Variants in ASCC1 observed in about 807,000 individuals in gnomAD.
ASCC1 encodes ASC-1 complex subunit P50.
Under a neutral mutation model 46.6 loss-of-function variants are expected in ASCC1, and 35 were observed. The ratio of observed to expected loss-of-function variants is 0.75; its 90% CI spans 0.57 to 0.99. The LOEUF (loss-of-function observed/expected upper bound fraction) is 0.99, where lower values mean the gene tolerates loss of function less well. Among genes scored for constraint, ASCC1 ranks in the 50% least tolerant of loss-of-function variants. ASCC1 has a pLI of 0.00. For synonymous variants in ASCC1, 143 were observed against 146.6 expected (o/e 0.98, Z 0.18); for missense variants, 376 against 428.7 (o/e 0.88, Z 1.09).
intron 5 of ASCC1, among the ~76,000 whole-genome samples, chr10:72,184,898 T>C (rs994779544): frequency 2.0e-5 from 3 of 152,078 alleles, no homozygotes; most frequent in Non-Finnish European, 1.5e-5. Context: ...TTTTATGTTA[T>C]GTATATTTCA....
intron 9 of ASCC1, among the ~76,000 whole-genome samples, chr10:72,110,131 T>C (rs1842768075): frequency 6.6e-6 from 1 of 152,216 alleles, no homozygotes; most frequent in South Asian, 2.1e-4. Flanking sequence ...TTTCTGCAGA[T>C]AAATTCTCTC....
chr10:72,190,605 TA>T (rs1318112923), intron 5 of ASCC1: 2 of 1,082,910 alleles, frequency 1.8e-6, no homozygotes, highest in African/African-American at 3.2e-5. Flanking sequence ...AATTCATACC[TA>T]ATAAACAATT....
intron 9 of ASCC1, among the ~76,000 whole-genome samples, chr10:72,126,164 A>ACC (rs1017474645): frequency 5.9e-5 from 9 of 152,168 alleles, no homozygotes; most frequent in Non-Finnish European, 8.8e-5. Flanking sequence ...AATAATGCTC[A>ACC]ATTTGTGAGT....
At chr10:72,140,139 C>A (rs2132399762) in intron 7 of ASCC1, among the ~76,000 whole-genome samples, 1 of 152,138 alleles carries the variant, frequency 6.6e-6, no homozygotes, top group Non-Finnish European at 1.5e-5. Context: ...TCATGCATTA[C>A]AAAAGGCAGC....
At chr10:72,104,461 A>C (rs1842128223) in intron 9 of ASCC1, among the ~76,000 whole-genome samples, 1 of 152,184 alleles carries the variant, frequency 6.6e-6, no homozygotes, top group Admixed American at 6.5e-5. Context: ...CTTAAACTAC[A>C]AGTTTAAAAA....
At chr10:72,140,561 C>T (rs1180033807) in intron 7 of ASCC1, among the ~76,000 whole-genome samples, 1 of 152,048 alleles carries the variant, frequency 6.6e-6, no homozygotes, top group Non-Finnish European at 1.5e-5. Context: ...GGTTATATTT[C>T]ACAAGAATGA....
intron 7 of ASCC1, chr10:72,134,404 A>AG (rs1291398975): frequency 1.3e-5 from 2 of 152,344 alleles, no homozygotes; most frequent in Non-Finnish European, 2.9e-5. Context: ...ACTGCACTCT[A>AG]GCCTGGGCAG....
chr10:72,102,816 A>C (rs1200744526), intron 9 of ASCC1: 2 of 347,006 alleles, frequency 5.8e-6, no homozygotes, highest in African/African-American at 2.2e-5. Flanking sequence ...CTCTACTAAA[A>C]ATACAAAAAT....
At chr10:72,115,988 A>G (rs2132074291) in intron 9 of ASCC1, among the ~76,000 whole-genome samples, 1 of 152,342 alleles carries the variant, frequency 6.6e-6, no homozygotes, top group African/African-American at 2.4e-5. Context: ...TAAGATCAAC[A>G]GTTAATAAAA....
chr10:72,128,405 C>A (rs967644796), intron 8 of ASCC1, among the ~76,000 whole-genome samples: 1 of 152,240 alleles, frequency 6.6e-6, no homozygotes, highest in South Asian at 2.1e-4. Context: ...ATTCTCCAGG[C>A]ACTCACTATA....
At chr10:72,187,732 A>G (rs898097663) in intron 5 of ASCC1, among the ~76,000 whole-genome samples, 8 of 150,510 alleles carry the variant, frequency 5.3e-5, no homozygotes, top group Middle Eastern at 3.4e-3. Context: ...AAAAAAAAAA[A>G]AAAAAAAAAA....
At chr10:72,126,775 C>T (rs1052907660) in intron 9 of ASCC1, among the ~76,000 whole-genome samples, 4 of 152,130 alleles carry the variant, frequency 2.6e-5, no homozygotes, top group African/African-American at 4.8e-5. Context: ...CATATCACAC[C>T]GAAGCTGTAG....
rs186726402 is a variant in ASCC1 at position 72,110,768 on chromosome 10, T to C, written c.958-13318A>G. On this transcript the variant is annotated intron_variant, in intron 9 of 9. Transcript: ENST00000672957. Reference sequence around the variant, plus strand: ...CGCCATTGCACTCCAGTCTGGGTGATACAGCGAGACTCCGTCTCAAAAAAA... The same window carrying C: ...CGCCATTGCACTCCAGTCTGGGTGACACAGCGAGACTCCGTCTCAAAAAAA... Among the ~76,000 whole-genome samples the C allele has an allele frequency of 3.7e-4, 56 of 152,242 alleles. 1 individual carries two copies. In the East Asian group the frequency reaches 9.5e-3, roughly 26 times the overall value.
chr10:72,119,984 C>T (rs572616724), intron 9 of ASCC1, among the ~76,000 whole-genome samples: 6 of 152,302 alleles, frequency 3.9e-5, no homozygotes, highest in Admixed American at 3.3e-4. Context: ...CGCCTGTAAT[C>T]CCAGCACTTT....
intron 9 of ASCC1, among the ~76,000 whole-genome samples, chr10:72,124,152 A>C (rs1282220104): frequency 6.6e-6 from 1 of 152,208 alleles, no homozygotes; most frequent in Non-Finnish European, 1.5e-5. Context: ...GTGGCTAGAG[A>C]TTTAAAACAT....
intron 7 of ASCC1, among the ~76,000 whole-genome samples, chr10:72,137,253 G>T (rs1468421776): frequency 6.6e-6 from 1 of 151,738 alleles, no homozygotes; most frequent in East Asian, 2.0e-4. Context: ...AACAGGCCAA[G>T]TGCAGTGGCT....
At chr10:72,143,459 T>C (rs927641462) in intron 7 of ASCC1, among the ~76,000 whole-genome samples, 1 of 151,632 alleles carries the variant, frequency 6.6e-6, no homozygotes, top group African/African-American at 2.4e-5. Flanking sequence ...AGTCTCAGCC[T>C]CTCAAGTAGC....
intron 7 of ASCC1, 78 bp downstream of exon 7, chr10:72,152,791 G>A (rs138659996): frequency 7.3e-5 from 111 of 1,525,990 alleles, no homozygotes; most frequent in Non-Finnish European, 4.5e-6. Context: ...CAAAGAAAAG[G>A]AATCAAAATG....
At chr10:72,114,070 C>T (rs956054530) in intron 9 of ASCC1, among the ~76,000 whole-genome samples, 1 of 152,170 alleles carries the variant, frequency 6.6e-6, no homozygotes, top group Admixed American at 6.5e-5. Context: ...TGCCTTCAAA[C>T]AAAATCACTG....
Sources: gnomAD v4.1 joint callset for allele counts (sites outside exome capture counted in the v4.1 genomes callset) on GRCh38, gnomAD v4.1.1 for gene constraint, MANE v1.5 for transcripts, NCBI Gene and HGNC (gene_info 2026-07-23, HGNC 2026-07-21) for gene names.